Variants in PABPC4L observed in about 807,000 individuals in gnomAD.
The protein encoded by PABPC4L is polyadenylate-binding protein 4-like.
For synonymous variants in PABPC4L, 169 were observed against 164.1 expected (o/e 1.03, Z -0.23); for missense variants, 452 against 451.4 (o/e 1.00, Z -0.01).
chr4:134,094,436 A>T, the PABPC4L span, among the ~76,000 whole-genome samples: 1 of 151,914 alleles, frequency 6.6e-6, no homozygotes, highest in Admixed American at 6.6e-5. Context: ...ACTCTATATC[A>T]TTTTTTGTGT....
the PABPC4L span, among the ~76,000 whole-genome samples, chr4:134,116,985 C>T: frequency 6.6e-6 from 1 of 151,550 alleles, no homozygotes; most frequent in African/African-American, 2.4e-5. Flanking sequence ...GGTTATATTT[C>T]TATGTTACTC....
the PABPC4L span, among the ~76,000 whole-genome samples, chr4:134,105,875 G>A: frequency 6.6e-6 from 1 of 151,644 alleles, no homozygotes; most frequent in East Asian, 1.9e-4. Flanking sequence ...TTTGGAGGAG[G>A]AGATGAGAAA....
chr4:134,144,658 C>T, the PABPC4L span, among the ~76,000 whole-genome samples: 1 of 149,786 alleles, frequency 6.7e-6, no homozygotes, highest in Non-Finnish European at 1.5e-5. Context: ...AGTGGATTTA[C>T]AGCTATAATT....
At chr4:134,014,630 G>A in the PABPC4L span, among the ~76,000 whole-genome samples, 14 of 151,952 alleles carry the variant, frequency 9.2e-5, no homozygotes, top group Admixed American at 2.0e-4. Flanking sequence ...AGATCTTCTC[G>A]GCTTAGCAGC....
chr4:134,153,716 T>G, the PABPC4L span, among the ~76,000 whole-genome samples: 1 of 151,912 alleles, frequency 6.6e-6, no homozygotes, highest in East Asian at 1.9e-4. Flanking sequence ...GGTGTGATGT[T>G]AGCTCAAAGC....
chr4:133,952,716 C>G, the PABPC4L span, among the ~76,000 whole-genome samples: 2 of 152,014 alleles, frequency 1.3e-5, no homozygotes, highest in African/African-American at 4.8e-5. Flanking sequence ...TTTACTTTTT[C>G]CCTCCTCTGT....
At chr4:134,074,839 G>A in the PABPC4L span, among the ~76,000 whole-genome samples, 1 of 152,220 alleles carries the variant, frequency 6.6e-6, no homozygotes, top group South Asian at 2.1e-4. Context: ...TCACTATCAT[G>A]AGAACATCAT....
At chr4:134,043,656 C>T in the PABPC4L span, among the ~76,000 whole-genome samples, 11 of 149,930 alleles carry the variant, frequency 7.3e-5, no homozygotes, top group South Asian at 2.3e-3. Context: ...TAAAACTTGC[C>T]AAAAATGTAC....
the PABPC4L span, among the ~76,000 whole-genome samples, chr4:133,987,349 G>A: frequency 3.3e-5 from 5 of 152,168 alleles, no homozygotes; most frequent in Admixed American, 6.5e-5. Flanking sequence ...TAAATTCAGG[G>A]CCAGAAGACA....
At chr4:134,171,338 A>G in the PABPC4L span, among the ~76,000 whole-genome samples, 5 of 152,012 alleles carry the variant, frequency 3.3e-5, no homozygotes, top group African/African-American at 9.7e-5. Context: ...TTGGTCTCGA[A>G]CTCCTAACCT....
chr4:134,104,093 T>G, the PABPC4L span, among the ~76,000 whole-genome samples: 1 of 151,760 alleles, frequency 6.6e-6, no homozygotes, highest in South Asian at 2.1e-4. Flanking sequence ...ATATTTAAAA[T>G]AACTTTATGA....
At chr4:134,032,812 A>G in the PABPC4L span, among the ~76,000 whole-genome samples, 141 of 151,970 alleles carry the variant, frequency 9.3e-4, no homozygotes, top group African/African-American at 3.2e-3. Context: ...ATTAGTTCTA[A>G]CATCTAGATC....
chr4:133,996,452 C>G, the PABPC4L span, among the ~76,000 whole-genome samples: 2 of 152,172 alleles, frequency 1.3e-5, no homozygotes, highest in Admixed American at 1.3e-4. Context: ...CTTTAAGCAG[C>G]TGTTTCAGTA....
At chr4:134,050,582 G>A in the PABPC4L span, among the ~76,000 whole-genome samples, 1 of 151,790 alleles carries the variant, frequency 6.6e-6, no homozygotes, top group Non-Finnish European at 1.5e-5. Context: ...GCAGGCGCCT[G>A]TAAACCCAGC....
chr4:133,969,978 A>G, the PABPC4L span, among the ~76,000 whole-genome samples: 1 of 151,262 alleles, frequency 6.6e-6, no homozygotes, highest in South Asian at 2.1e-4. Context: ...CAATCTACCA[A>G]AACAGTGCTT....
chr4:133,980,920 G>A, the PABPC4L span, among the ~76,000 whole-genome samples: 1 of 152,190 alleles, frequency 6.6e-6, no homozygotes, highest in Admixed American at 6.5e-5. Flanking sequence ...AACTTTGGGA[G>A]GCCGAAGTGG....
chr4:134,100,907 A>G, the PABPC4L span, among the ~76,000 whole-genome samples: 3 of 151,638 alleles, frequency 2.0e-5, no homozygotes, highest in Admixed American at 1.3e-4. Flanking sequence ...GAATTTATTT[A>G]TAGCCAAAAT....
chr4:134,095,956 C>A, the PABPC4L span, among the ~76,000 whole-genome samples: 59 of 151,970 alleles, frequency 3.9e-4, no homozygotes, highest in African/African-American at 1.4e-3. Context: ...ATTCTGCTTA[C>A]TTTACTTCAA....
the PABPC4L span, among the ~76,000 whole-genome samples, chr4:133,971,654 T>C: frequency 6.6e-6 from 1 of 152,226 alleles, no homozygotes; most frequent in African/African-American, 2.4e-5. Flanking sequence ...TCTATATCCA[T>C]GATTTAATGT....
Sources: gnomAD v4.1 joint callset for allele counts (sites outside exome capture counted in the v4.1 genomes callset) on GRCh38, gnomAD v4.1.1 for gene constraint, MANE v1.5 for transcripts, NCBI Gene and HGNC (gene_info 2026-07-23, HGNC 2026-07-21) for gene names.